The following ANKRD27 variants were observed in gnomAD, a reference collection of about 807,000 sequenced individuals.
ANKRD27 encodes the protein ankyrin repeat domain 27.
In ANKRD27, 112 loss-of-function variants were observed where a neutral mutation model predicts 129.7. That is an observed-to-expected ratio of 0.86 (90% confidence interval 0.74 to 1.01). The LOEUF is 1.01. Ranked by LOEUF, ANKRD27 falls within the 50% of genes least tolerant of loss-of-function variation. ANKRD27 has a pLI of 0.00. For synonymous variants in ANKRD27, 516 were observed against 511.2 expected, an observed-to-expected ratio of 1.01 and a Z score of -0.13; for missense variants, 1,258 against 1,300.5, an observed-to-expected ratio of 0.97 and a Z score of 0.50.
At position 32,625,493 on chromosome 19, in the gene ANKRD27, C is replaced by T. The variant is rs563730680; in HGVS notation, c.1629+381G>A. ...TCACCCAGGATGGAGTACAATGGTG[C>T]CATCTTGGCTCACTGCAACCTCCAC... On this transcript the variant is annotated intron_variant, in intron 17 of 28. Transcript: ENST00000306065. Among the ~76,000 whole-genome samples the T allele has an allele frequency of 6.0e-5, 9 of 149,984 alleles. No homozygotes were observed. The South Asian group carries it at 6.4e-4, about 11-fold the overall frequency.
intron 15 of ANKRD27, among the ~76,000 whole-genome samples, chr19:32,627,574 G>A (rs2145283710): frequency 6.6e-6 from 1 of 151,850 alleles, no homozygotes; most frequent in Admixed American, 6.6e-5. Context: ...ATTTTTGTAT[G>A]TTTTGTAGAG....
chr19:32,662,871 C>T (rs183420449), intron 1 of ANKRD27, among the ~76,000 whole-genome samples: 39 of 152,102 alleles, frequency 2.6e-4, no homozygotes, highest in Admixed American at 7.2e-4. Flanking sequence ...GGTGAAACCC[C>T]GTCTCTACTA....
At chr19:32,614,837 G>A (rs392332) in intron 22 of ANKRD27, among the ~76,000 whole-genome samples, 94,353 of 151,850 alleles carry the variant, frequency 0.62, 29,905 homozygotes, top group Non-Finnish European at 0.69. Context: ...AAGCAGAACT[G>A]GGGAAATCTG....
Position 32,662,412 on chromosome 19 carries a change from T to C in ANKRD27, c.-30-3367A>G, listed in dbSNP as rs557855074. ...TGCTTCAACCAACAGGCAGAATCGA[T>C]GCTGTACAATTTGTGAGTGTCAGCT... is the stretch of plus-strand genomic sequence containing the variant. On this transcript the variant is annotated intron_variant, in intron 1 of 28. Coordinates refer to ENST00000306065, the MANE Select transcript of ANKRD27 (RefSeq NM_032139.3). Among the ~76,000 whole-genome samples the C allele has an allele frequency of 1.9e-4, 29 of 150,422 alleles. 1 individual carries two copies. The South Asian group carries it at 2.1e-3, about 11-fold the overall frequency.
chr19:32,628,618 G>A (rs1487331645), intron 14 of ANKRD27, 104 bp downstream of exon 14: 2 of 1,438,246 alleles, frequency 1.4e-6, no homozygotes, highest in African/African-American at 2.8e-5. Flanking sequence ...TGGGGGGCAG[G>A]GAGGACAGTC....
At chr19:32,640,213 T>C (rs58827552) in intron 11 of ANKRD27, 94 bp downstream of exon 11, 72,177 of 924,366 alleles carry the variant, frequency 0.078, 4,430 homozygotes, top group African/African-American at 0.25. Flanking sequence ...TCCGCCCGCC[T>C]TGGCCTCCCA....
chr19:32,650,506 G>A (rs1967392762), intron 2 of ANKRD27, among the ~76,000 whole-genome samples: 1 of 152,108 alleles, frequency 6.6e-6, no homozygotes, highest in Non-Finnish European at 1.5e-5. Flanking sequence ...GGTCAACATG[G>A]TGAAACTCTG....
At chr19:32,654,464 A>G (rs1316546506) in intron 2 of ANKRD27, among the ~76,000 whole-genome samples, 1 of 152,256 alleles carries the variant, frequency 6.6e-6, no homozygotes, top group Non-Finnish European at 1.5e-5. Flanking sequence ...CCTGGAGACC[A>G]TCGAGATATT....
intron 1 of ANKRD27, among the ~76,000 whole-genome samples, chr19:32,671,916 T>G (rs1018749616): frequency 1.3e-5 from 2 of 152,242 alleles, no homozygotes; most frequent in Non-Finnish European, 2.9e-5. Flanking sequence ...TCTGCAGTTA[T>G]TCTATGAACA....
At chr19:32,600,181 T>A in intron 26 of ANKRD27, 131 bp from the exon 27 acceptor site, 1 of 690,372 alleles carries the variant, frequency 1.4e-6, no homozygotes. Context: ...TGAATTTGCT[T>A]AAAGAAACAC....
intron 21 of ANKRD27, 45 bp downstream of exon 21, chr19:32,617,544 C>T (rs1236224160): frequency 1.4e-6 from 1 of 730,978 alleles, no homozygotes; most frequent in Admixed American, 2.1e-5. Context: ...AAGACCCTGT[C>T]TCTAAAAAAT....
chr19:32,649,256 G>C (rs922912809), intron 3 of ANKRD27, among the ~76,000 whole-genome samples: 2 of 152,042 alleles, frequency 1.3e-5, no homozygotes, highest in African/African-American at 4.8e-5. Context: ...TATAGGCGTA[G>C]GCCACCATGT....
At chr19:32,648,844 G>C (rs1206119608) in intron 3 of ANKRD27, among the ~76,000 whole-genome samples, 1 of 151,556 alleles carries the variant, frequency 6.6e-6, no homozygotes, top group Non-Finnish European at 1.5e-5. Context: ...TGTGTTGAGA[G>C]ACAGCGATAA....
Position 32,630,695 on chromosome 19 carries a change from A to C in ANKRD27, c.1209+707T>G, listed in dbSNP as rs530593187. ...ACCTAGGCTGGAGTGCAACGGCACA[A>C]TCATAGCTCACGGCAGCCTCCAACT... On this transcript the variant is annotated intron_variant, in intron 13 of 28. Transcript: ENST00000306065. Among the ~76,000 whole-genome samples, 56 of 152,330 alleles carry C rather than the reference A, an allele frequency of 3.7e-4. No homozygotes were observed. The South Asian group carries it at 0.011, about 30-fold the overall frequency.
intron 3 of ANKRD27, among the ~76,000 whole-genome samples, chr19:32,647,420 T>G (rs1455753896): frequency 1.3e-5 from 2 of 152,184 alleles, no homozygotes; most frequent in Non-Finnish European, 2.9e-5. Flanking sequence ...TGTCGTTTTG[T>G]TTTGTTTTGC....
chr19:32,646,110 T>C (rs1967298368), intron 4 of ANKRD27, among the ~76,000 whole-genome samples: 1 of 151,916 alleles, frequency 6.6e-6, no homozygotes, highest in African/African-American at 2.4e-5. Flanking sequence ...TTTTGTATTT[T>C]TAGTAGAGAT....
chr19:32,626,861 A>C (rs779257334), intron 15 of ANKRD27, 34 bp from the exon 16 acceptor site: 9 of 1,521,452 alleles, frequency 5.9e-6, no homozygotes, highest in East Asian at 2.3e-5. Context: ...ATGGAGAAGG[A>C]AGGCGCAGAG....
intron 22 of ANKRD27, chr19:32,608,422 T>C: frequency 2.7e-6 from 1 of 367,216 alleles, no homozygotes; most frequent in Non-Finnish European, 5.5e-6. Context: ...TGCACCTCTG[T>C]TTAAACCACC....
intron 1 of ANKRD27, chr19:32,673,267 T>A: frequency 1.0e-6 from 1 of 984,094 alleles, no homozygotes; most frequent in African/African-American, 1.7e-5. Flanking sequence ...GATCCCCAGG[T>A]GCATTCCTGT....
Sources: allele counts gnomAD v4.1 joint callset (sites outside exome capture counted in the v4.1 genomes callset), GRCh38; gene constraint gnomAD v4.1.1; transcripts MANE v1.5; gene names NCBI Gene and HGNC (gene_info 2026-07-23, HGNC 2026-07-21).